Variants in RANBP2 observed in about 807,000 individuals in gnomAD.
The protein encoded by RANBP2 is E3 SUMO-protein ligase RanBP2.
In RANBP2, 57 loss-of-function variants were observed where a neutral mutation model predicts 303.6. The ratio of observed to expected loss-of-function variants is 0.19; its 90% CI spans 0.15 to 0.23. The LOEUF (loss-of-function observed/expected upper bound fraction) is 0.23. Among genes scored for constraint, RANBP2 ranks in the 10% least tolerant of loss-of-function variants. The probability of loss-of-function intolerance (pLI) is 1.00; values close to 1 mark genes in which losing one functional copy is unlikely to be tolerated. For synonymous variants in RANBP2, 1,167 were observed against 1,301.5 expected, an observed-to-expected ratio of 0.90 and a Z score of 2.23; for missense variants, 3,138 against 3,780.8, an observed-to-expected ratio of 0.83 and a Z score of 4.46.
rs757372213 is a variant in RANBP2 at position 108,783,942 on chromosome 2, T to C, written c.*41T>C. 2.4e-5 allele frequency: 37 copies of C among 1,541,666 alleles called. No individual in the cohort carries two copies. Among genetic ancestry groups the C allele is most frequent in the Non-Finnish European group, 3.2e-5 (36 of 1,118,248 alleles). ...TAGAAAATTTCATCTGTATAAGCAG[T>C]TGGATTGAAGCTTAGCTATTACAAT... On this transcript the variant is annotated 3_prime_UTR_variant, in exon 29 of 29. Transcript: ENST00000283195.
At chr2:109,033,774 G>A in the RANBP2 span, among the ~76,000 whole-genome samples, 1 of 151,388 alleles carries the variant, frequency 6.6e-6, no homozygotes, top group Non-Finnish European at 1.5e-5. Context: ...CCAACATGGT[G>A]AAACCCCGTC....
the RANBP2 span, among the ~76,000 whole-genome samples, chr2:108,938,646 G>A: frequency 2.0e-5 from 3 of 151,964 alleles, no homozygotes; most frequent in Non-Finnish European, 4.4e-5. Flanking sequence ...TGACAAGCTT[G>A]GAGAAGTTTT....
the RANBP2 span, among the ~76,000 whole-genome samples, chr2:109,686,618 C>T: frequency 6.6e-6 from 1 of 152,114 alleles, no homozygotes; most frequent in African/African-American, 2.4e-5. Context: ...CGGCTTCTTA[C>T]TATTTTTTTT....
the RANBP2 span, among the ~76,000 whole-genome samples, chr2:109,305,747 G>C: frequency 2.6e-5 from 4 of 152,226 alleles, no homozygotes; most frequent in Non-Finnish European, 5.9e-5. Flanking sequence ...ATTCCAGGCA[G>C]TGTTCTCTGC....
the RANBP2 span, among the ~76,000 whole-genome samples, chr2:109,482,101 G>A: frequency 6.6e-6 from 1 of 152,156 alleles, no homozygotes; most frequent in Non-Finnish European, 1.5e-5. Context: ...GCCTCAGCAA[G>A]TCCCGGGTTC....
chr2:109,203,775 G>A, the RANBP2 span, among the ~76,000 whole-genome samples: 3 of 152,086 alleles, frequency 2.0e-5, no homozygotes, highest in Admixed American at 6.6e-5. Flanking sequence ...TCACACCCTC[G>A]GTCCATCCAT....
chr2:108,822,500 A>G, the RANBP2 span, among the ~76,000 whole-genome samples: 2 of 152,212 alleles, frequency 1.3e-5, no homozygotes, highest in Non-Finnish European at 1.5e-5. Context: ...CAGATGATAC[A>G]TTCTTCTCTT....
chr2:109,381,092 G>A, the RANBP2 span, among the ~76,000 whole-genome samples: 1 of 152,370 alleles, frequency 6.6e-6, no homozygotes, highest in African/African-American at 2.4e-5. Flanking sequence ...TCTACCACTT[G>A]CTGAGTGCAG....
chr2:108,738,354 T>G (rs181898204), intron 6 of RANBP2, among the ~76,000 whole-genome samples: 1 of 149,416 alleles, frequency 6.7e-6, no homozygotes, highest in African/African-American at 2.5e-5. Flanking sequence ...GGATTACAGG[T>G]GTGAGCCACC....
the RANBP2 span, among the ~76,000 whole-genome samples, chr2:109,164,268 G>A: frequency 2.5e-4 from 38 of 152,050 alleles, no homozygotes; most frequent in African/African-American, 7.2e-4. Context: ...CTGCGGCCTC[G>A]GCCTCCTGGG....
the RANBP2 span, chr2:108,906,248 C>A: frequency 4.4e-6 from 7 of 1,588,440 alleles, no homozygotes; most frequent in South Asian, 7.7e-5. Context: ...GGGCTCCGGG[C>A]CCAGCCCTTC....
At chr2:109,376,431 G>A in the RANBP2 span, among the ~76,000 whole-genome samples, 1 of 152,230 alleles carries the variant, frequency 6.6e-6, no homozygotes, top group African/African-American at 2.4e-5. Flanking sequence ...CAGAGCCTGG[G>A]TGGGTGGCTT....
At chr2:109,575,146 G>GA in the RANBP2 span, among the ~76,000 whole-genome samples, 5 of 152,284 alleles carry the variant, frequency 3.3e-5, no homozygotes, top group African/African-American at 1.2e-4. Flanking sequence ...AATTTACACT[G>GA]ATTCATTCTC....
chr2:109,659,374 C>G, the RANBP2 span, among the ~76,000 whole-genome samples: 1 of 152,094 alleles, frequency 6.6e-6, no homozygotes, highest in Admixed American at 6.5e-5. Flanking sequence ...TCATCCCCCC[C>G]AAAAACACAC....
At chr2:109,589,507 AAGAC>A in the RANBP2 span, among the ~76,000 whole-genome samples, 1 of 152,104 alleles carries the variant, frequency 6.6e-6, no homozygotes, top group African/African-American at 2.4e-5. Flanking sequence ...TCCAGCCTGG[AAGAC>A]AGAGCAAGAC....
the RANBP2 span, among the ~76,000 whole-genome samples, chr2:108,964,307 A>T: frequency 1.7e-3 from 265 of 152,286 alleles, 4 homozygotes; most frequent in Non-Finnish European, 3.4e-3. Flanking sequence ...TACAGCCAGA[A>T]GCCCCTGCCA....
At chr2:109,626,001 T>G in the RANBP2 span, among the ~76,000 whole-genome samples, 1 of 152,192 alleles carries the variant, frequency 6.6e-6, no homozygotes, top group Non-Finnish European at 1.5e-5. Flanking sequence ...GATGTTTAAA[T>G]GTGATAAAGC....
At chr2:109,428,228 C>T in the RANBP2 span, among the ~76,000 whole-genome samples, 2,942 of 152,304 alleles carry the variant, frequency 0.019, 44 homozygotes, top group Non-Finnish European at 0.031. Flanking sequence ...TTTTAGAAGA[C>T]GTATGAGCAA....
chr2:109,393,738 G>A, the RANBP2 span, among the ~76,000 whole-genome samples: 2 of 151,996 alleles, frequency 1.3e-5, no homozygotes, highest in African/African-American at 4.8e-5. Context: ...CCTCCACTCT[G>A]GGTCAGTGCA....
Sources: gnomAD v4.1 joint callset for allele counts (sites outside exome capture counted in the v4.1 genomes callset) on GRCh38, gnomAD v4.1.1 for gene constraint, MANE v1.5 for transcripts, NCBI Gene and HGNC (gene_info 2026-07-23, HGNC 2026-07-21) for gene names.